The following LRRC4C variants were observed in gnomAD, a reference collection of about 807,000 sequenced individuals.
The protein encoded by LRRC4C is leucine-rich repeat-containing protein 4C.
In LRRC4C, 5 loss-of-function variants were observed where a neutral mutation model predicts 33.6. The observed-to-expected ratio is 0.15, with a 90% CI of 0.08 to 0.31. The LOEUF (loss-of-function observed/expected upper bound fraction) is 0.31. Among genes scored for constraint, LRRC4C ranks in the 10% least tolerant of loss-of-function variants. The probability of loss-of-function intolerance (pLI) is 1.00; values close to 1 mark genes in which losing one functional copy is unlikely to be tolerated. For missense variants in LRRC4C, 560 were observed against 796.7 expected, an observed-to-expected ratio of 0.70 and a Z score of 3.58; for synonymous variants, 329 against 302.0, an observed-to-expected ratio of 1.09 and a Z score of -0.93.
At chr11:41,304,434 T>C (rs71486305) in intron 1 of LRRC4C, among the ~76,000 whole-genome samples, 12 of 65,500 alleles carry the variant, frequency 1.8e-4, no homozygotes, top group East Asian at 1.2e-3. Context: ...CCGCCCCGTC[T>C]GGGAGGTGAG....
At chr11:40,544,413 A>G (rs1495303) in intron 3 of LRRC4C, among the ~76,000 whole-genome samples, 14,259 of 152,132 alleles carry the variant, frequency 0.094, 798 homozygotes, top group Middle Eastern at 0.15. Context: ...CACAGGCTTA[A>G]ATATTACTGA....
chr11:40,279,756 TTA>T (rs2136432011), intron 4 of LRRC4C, among the ~76,000 whole-genome samples: 1 of 152,252 alleles, frequency 6.6e-6, no homozygotes, highest in East Asian at 1.9e-4. Flanking sequence ...GTCTGTGCTG[TTA>T]TGTCATTCAT....
chr11:40,472,878 C>T (rs2138310322), intron 3 of LRRC4C, among the ~76,000 whole-genome samples: 1 of 152,252 alleles, frequency 6.6e-6, no homozygotes, highest in Admixed American at 6.5e-5. Flanking sequence ...AATTCCTGGA[C>T]ACATACACCC....
chr11:40,334,517 T>A (rs972002044), intron 3 of LRRC4C, among the ~76,000 whole-genome samples: 4 of 152,188 alleles, frequency 2.6e-5, no homozygotes, highest in Non-Finnish European at 4.4e-5. Flanking sequence ...TTTTGCTGTC[T>A]ACCTTCTATC....
intron 3 of LRRC4C, among the ~76,000 whole-genome samples, chr11:40,625,333 T>C (rs1962824493): frequency 6.6e-6 from 1 of 152,168 alleles, no homozygotes; most frequent in African/African-American, 2.4e-5. Context: ...AGATGTTTAA[T>C]GGACTCACAA....
Position 40,296,035 on chromosome 11 carries a change from C to A in LRRC4C, c.-176+23593G>T, listed in dbSNP as rs539370523. ...AAAATTTTCTTTTTAGGGATTTTGACAGCAAAGGAAGGCCAATGATTTGTT... is the reference window on the plus strand; with the variant it reads ...AAAATTTTCTTTTTAGGGATTTTGAAAGCAAAGGAAGGCCAATGATTTGTT... On this transcript the variant is annotated intron_variant, in intron 4 of 6. Transcript: ENST00000528697. 7.2e-5 allele frequency among the ~76,000 whole-genome samples: 11 copies of A among 152,260 alleles called. No homozygotes were observed. The East Asian group carries it at 1.5e-3, about 21-fold the overall frequency.
rs551607183 is a variant in LRRC4C at position 41,346,363 on chromosome 11, TAAAC to T, written c.-496+113064_-496+113067del. 9.9e-5 allele frequency among the ~76,000 whole-genome samples: 15 copies of T among 152,190 alleles called. No homozygotes were observed. The South Asian group carries it at 2.9e-3, about 29-fold the overall frequency. ...CATTTCTCCCTGAAGAAGCAATAAATAAACAAACATAAAAAAATTATCTAACTAT... is the reference window on the plus strand; with the variant it reads ...CATTTCTCCCTGAAGAAGCAATAAATAAACATAAAAAAATTATCTAACTAT... On this transcript the variant is annotated intron_variant, in intron 1 of 6. Transcript: ENST00000528697.
At chr11:40,810,313 C>T (rs1024237422) in intron 2 of LRRC4C, among the ~76,000 whole-genome samples, 2 of 152,146 alleles carry the variant, frequency 1.3e-5, no homozygotes, top group African/African-American at 4.8e-5. Flanking sequence ...AGCTATTTCA[C>T]CAGCAATATC....
At chr11:40,882,945 C>T (rs1296763461) in intron 2 of LRRC4C, among the ~76,000 whole-genome samples, 1 of 151,996 alleles carries the variant, frequency 6.6e-6, no homozygotes, top group African/African-American at 2.4e-5. Flanking sequence ...CTAAAATTTG[C>T]TTCAAAATGG....
chr11:40,657,407 G>A (rs1033847062), intron 2 of LRRC4C, among the ~76,000 whole-genome samples: 1 of 152,206 alleles, frequency 6.6e-6, no homozygotes, highest in African/African-American at 2.4e-5. Context: ...GGCATGAAAG[G>A]AAAATATCTT....
intron 3 of LRRC4C, among the ~76,000 whole-genome samples, chr11:40,534,701 G>C (rs981250812): frequency 6.6e-6 from 1 of 152,128 alleles, no homozygotes; most frequent in Non-Finnish European, 1.5e-5. Context: ...GCCTCAATGG[G>C]CTCAGAAATG....
intron 1 of LRRC4C, among the ~76,000 whole-genome samples, chr11:41,152,012 C>A (rs963989896): frequency 3.9e-5 from 6 of 152,158 alleles, no homozygotes; most frequent in Admixed American, 2.6e-4. Context: ...ACATCCACTA[C>A]CCACCCTTCT....
chr11:40,257,649 CT>C (rs1334714576), intron 4 of LRRC4C, among the ~76,000 whole-genome samples: 2 of 152,192 alleles, frequency 1.3e-5, no homozygotes, highest in Non-Finnish European at 2.9e-5. Context: ...TAAAAGACGG[CT>C]TAGTAAAGAG....
At chr11:40,349,381 T>G (rs11035795) in intron 3 of LRRC4C, among the ~76,000 whole-genome samples, 19,936 of 150,712 alleles carry the variant, frequency 0.13, 1,757 homozygotes, top group African/African-American at 0.25. Flanking sequence ...CCGTCTATGT[T>G]GCTGCAAATG....
At chr11:40,329,522 C>T (rs1021875848) in intron 3 of LRRC4C, among the ~76,000 whole-genome samples, 4 of 152,084 alleles carry the variant, frequency 2.6e-5, no homozygotes, top group Non-Finnish European at 5.9e-5. Context: ...GTGATTCAAA[C>T]TCCTTTGTGT....
intron 3 of LRRC4C, among the ~76,000 whole-genome samples, chr11:40,578,141 G>GTTTTT (rs1360920903): frequency 2.0e-5 from 1 of 50,164 alleles, no homozygotes; most frequent in African/African-American, 6.8e-5. Context: ...TTTTTTTTCG[G>GTTTTT]TTTTTTTTTT....
At chr11:40,496,124 CTGGCCA>C (rs925704402) in intron 3 of LRRC4C, among the ~76,000 whole-genome samples, 5 of 152,188 alleles carry the variant, frequency 3.3e-5, no homozygotes, top group African/African-American at 1.2e-4. Flanking sequence ...GCCACCACGC[CTGGCCA>C]AAAGTGTCTT....
chr11:40,358,623 C>A (rs946692494), intron 3 of LRRC4C, among the ~76,000 whole-genome samples: 1 of 152,034 alleles, frequency 6.6e-6, no homozygotes, highest in East Asian at 1.9e-4. Context: ...TACTAAGCTG[C>A]CTGCGTATTA....
intron 6 of LRRC4C, among the ~76,000 whole-genome samples, chr11:40,128,655 C>T (rs1189994030): frequency 6.6e-6 from 1 of 152,088 alleles, no homozygotes; most frequent in Non-Finnish European, 1.5e-5. Flanking sequence ...CTGCTTCTCC[C>T]ACTTCTCAAC....
Sources: allele counts gnomAD v4.1 joint callset (sites outside exome capture counted in the v4.1 genomes callset), GRCh38; gene constraint gnomAD v4.1.1; transcripts MANE v1.5; gene names NCBI Gene and HGNC (gene_info 2026-07-23, HGNC 2026-07-21).